The following MAMDC4 variants were observed in gnomAD, a reference collection of about 807,000 sequenced individuals.
The protein encoded by MAMDC4 is apical endosomal glycoprotein.
MAMDC4 carries 168 observed loss-of-function variants against 153.3 expected under a neutral mutation model. The ratio of observed to expected loss-of-function variants is 1.10; its 90% CI spans 0.97 to 1.25. The LOEUF (loss-of-function observed/expected upper bound fraction) is 1.25. MAMDC4 is among the 50% of genes most tolerant of loss of function. The probability of loss-of-function intolerance (pLI) is 0.00; values close to 1 mark genes in which losing one functional copy is unlikely to be tolerated. For missense variants in MAMDC4, 1,701 were observed against 1,542.8 expected (o/e 1.10, Z -1.72); for synonymous variants, 744 against 651.5 (o/e 1.14, Z -2.16).
chr9:136,852,492 G>C (rs1403540489), intron 1 of MAMDC4, 30 bp downstream of exon 1: 1 of 1,606,480 alleles, frequency 6.2e-7, no homozygotes, highest in South Asian at 1.1e-5. Context: ...TCCTGAGGCA[G>C]GACCAGGGGC....
In MAMDC4 at chr9:136,855,854, G is replaced by A; in HGVS notation, c.1588+6G>A. Reference sequence around the variant, plus strand: ...GTCCAGTGCAGCTGCTGCTGGTGAGGCCCAAGGCCCAAGGCTCAAGCCCCC... The same window carrying A: ...GTCCAGTGCAGCTGCTGCTGGTGAGACCCAAGGCCCAAGGCTCAAGCCCCC... On this transcript the variant is annotated splice_donor_region_variant and intron_variant, in intron 13 of 26. Transcript: ENST00000317446. 1.0e-5 allele frequency: 15 copies of A among 1,484,308 alleles called. No homozygotes were observed. Among genetic ancestry groups the A allele is most frequent in the Non-Finnish European group, 1.3e-5 (15 of 1,116,260 alleles). The allele number at this position is 1,484,308 out of a possible 1,614,324, so 91.9% of individuals were successfully genotyped here. A position where few individuals can be genotyped will look rare whatever the true frequency, so the allele number is the denominator to read the frequency against.
chr9:136,859,358 A>C, intron 25 of MAMDC4, 41 bp downstream of exon 25: 14 of 1,554,938 alleles, frequency 9.0e-6, no homozygotes, highest in Non-Finnish European at 1.2e-5. Context: ...GGAGGGCCCA[A>C]GGGGCCAGCC....
intron 6 of MAMDC4, 34 bp downstream of exon 6, chr9:136,854,110 G>C (rs1265330101): frequency 6.2e-7 from 1 of 1,611,504 alleles, no homozygotes; most frequent in Admixed American, 1.7e-5. Context: ...CCACCCCCGG[G>C]AGGGCCCCCA....
rs748246393 is a variant in MAMDC4, at chr9:136,853,994, G to A, written c.588G>A (p.Val196=). Residue 196 remains valine (V), a splice_region_variant and synonymous_variant, in exon 6 of 27, where the codon GTG becomes GTA. Coordinates refer to ENST00000317446, the MANE Select transcript of MAMDC4 (RefSeq NM_206920.3). Reference sequence around the variant, plus strand: ...TCCTAAGAGCCTGTTCTCTTCAGGTGACCTTCTCTGCCACCCGAAATGCCA... The same window carrying A: ...TCCTAAGAGCCTGTTCTCTTCAGGTAACCTTCTCTGCCACCCGAAATGCCA... ...TTGRIRGDFR[V]TFSATRNATH... is the part of the protein sequence containing the mutation. 5 of 1,612,932 alleles carry A rather than the reference G, an allele frequency of 3.1e-6. No homozygotes were observed. Among genetic ancestry groups the A allele is most frequent in the Non-Finnish European group, 3.4e-6 (4 of 1,179,938 alleles).
In MAMDC4 at chr9:136,856,587, C is replaced by T. The variant is rs775503467; in HGVS notation, c.1721-123C>T. Reference sequence around the variant, plus strand: ...CGAGAGAGACAGAGGTTCCTGCTGCCCATCCTCACTCCCACCTGGGTGCTC... The same window carrying T: ...CGAGAGAGACAGAGGTTCCTGCTGCTCATCCTCACTCCCACCTGGGTGCTC... On this transcript the variant is annotated intron_variant, in intron 14 of 26. Coordinates refer to ENST00000317446, the MANE Select transcript of MAMDC4 (RefSeq NM_206920.3). 7 of 918,670 alleles carry T rather than the reference C, an allele frequency of 7.6e-6. No individual in the cohort carries two copies. The African/African-American group carries it at 1.1e-4, about 15-fold the overall frequency. 56.9% of individuals were successfully genotyped at this position (918,670 alleles called of 1,614,324 possible). A position where few individuals can be genotyped will look rare whatever the true frequency, so the allele number is the denominator to read the frequency against.
Position 136,853,684 on chromosome 9 carries a change from C to T in MAMDC4, c.454+14C>T, listed in dbSNP as rs774219896. 1 of 1,609,298 alleles carries T rather than the reference C, an allele frequency of 6.2e-7. No homozygotes were observed. The highest frequency in any genetic ancestry group is 1.1e-5 in the South Asian group (1 of 90,692). Reference sequence around the variant, plus strand: ...CGGCCTCTGGAGGTGCACCCTGGACCCCCAAGGCTCGTGGGGGGTGCCCAA... The same window carrying T: ...CGGCCTCTGGAGGTGCACCCTGGACTCCCAAGGCTCGTGGGGGGTGCCCAA... On this transcript the variant is annotated intron_variant, in intron 4 of 26. Transcript: ENST00000317446.
chr9:136,860,426 C>T (rs1849071522), intron 26 of MAMDC4, 136 bp from the exon 27 acceptor site: 1 of 917,178 alleles, frequency 1.1e-6, no homozygotes, highest in Admixed American at 2.3e-5. Flanking sequence ...GAGGCTGAGG[C>T]AGGAGAATCG....
Position 136,857,429 on chromosome 9 carries a change from G to C in MAMDC4, c.2169G>C (p.Val723=). The C allele has an allele frequency of 6.2e-7, 1 of 1,608,304 alleles. No individual in the cohort carries two copies. The highest frequency in any genetic ancestry group is 8.5e-7 in the Non-Finnish European group (1 of 1,179,914). ...HGTMALDDVA[V]RPGPCWAPNY... ...CCATGGCGCTGGACGATGTGGCCGT[G>C]CGGCCGGGCCCCTGCTGGGCCCCTA... Residue 723 remains valine, a synonymous_variant, in exon 18 of 27, where the codon GTG becomes GTC. Coordinates refer to ENST00000317446, the MANE Select transcript of MAMDC4 (RefSeq NM_206920.3).
intron 3 of MAMDC4, 29 bp from the exon 4 acceptor site, chr9:136,853,514 GCC>G: frequency 1.2e-6 from 2 of 1,612,348 alleles, no homozygotes; most frequent in Non-Finnish European, 1.7e-6. Context: ...CTTGCTCCCT[GCC>G]CCGTCTCCTG....
In MAMDC4 at chr9:136,854,862, G is replaced by A; in HGVS notation, c.1023+12G>A. 9 of 1,612,704 alleles carry A rather than the reference G, an allele frequency of 5.6e-6. No homozygotes were observed. Among genetic ancestry groups the A allele is most frequent in the Non-Finnish European group, 7.6e-6 (9 of 1,179,862 alleles). ...CCTCCAACTGCTCGGTGAGATGGGT[G>A]GGGCTCACAGGGCCTCCCTGCTCTC... is the stretch of plus-strand genomic sequence containing the variant. On this transcript the variant is annotated intron_variant, in intron 9 of 26. Coordinates refer to ENST00000317446, the MANE Select transcript of MAMDC4 (RefSeq NM_206920.3).
Position 136,855,219 on chromosome 9 carries a change from T to C in MAMDC4, c.1198-35T>C, listed in dbSNP as rs754324518. The C allele has an allele frequency of 7.6e-6, 12 of 1,576,416 alleles. No individual in the cohort carries two copies. The East Asian group carries it at 2.5e-4, about 32-fold the overall frequency. On this transcript the variant is annotated intron_variant, in intron 10 of 26. Coordinates refer to ENST00000317446, the MANE Select transcript of MAMDC4 (RefSeq NM_206920.3). ...ACAGGGACCAGACCCCAGGGGGAAA[T>C]AGGCTGGGCACCCCCTGAGCCCCTC...
At position 136,857,317 on chromosome 9, in the gene MAMDC4, G is replaced by C; in HGVS notation, c.2106+19G>C. ...GTACCAGGTGAGGCCTGGCACCCGG[G>C]TGGGAGGACAGGGCAGGGCCCCTGG... On this transcript the variant is annotated intron_variant, in intron 17 of 26. Coordinates refer to ENST00000317446, the MANE Select transcript of MAMDC4 (RefSeq NM_206920.3). 6.2e-7 allele frequency: 1 copy of C among 1,606,972 alleles called. No individual in the cohort carries two copies. Among genetic ancestry groups the C allele is most frequent in the Non-Finnish European group, 8.5e-7 (1 of 1,177,916 alleles).
chr9:136,854,872 G>A, intron 9 of MAMDC4, 22 bp downstream of exon 9: 1 of 1,612,710 alleles, frequency 6.2e-7, no homozygotes, highest in Non-Finnish European at 8.5e-7. Flanking sequence ...GGGGCTCACA[G>A]GGCCTCCCTG....
chr9:136,854,894 G>T, intron 9 of MAMDC4, 43 bp from the exon 10 acceptor site: 1 of 1,612,592 alleles, frequency 6.2e-7, no homozygotes, highest in East Asian at 2.2e-5. Context: ...TCTCCGTGCT[G>T]GCTGCCCCGG....
chr9:136,853,487 CCT>C (rs771354636), intron 3 of MAMDC4, 29 bp downstream of exon 3: 75 of 1,610,816 alleles, frequency 4.7e-5, no homozygotes, highest in South Asian at 1.9e-4. Context: ...TCTGTGCGCC[CCT>C]GTCCCAATAC....
Position 136,857,592 on chromosome 9 carries a change from G to T in MAMDC4, c.2326+6G>T, listed in dbSNP as rs1189775624. 6.2e-7 allele frequency: 1 copy of T among 1,612,612 alleles called. No homozygotes were observed. The highest frequency in any genetic ancestry group is 1.7e-5 in the Admixed American group (1 of 60,026). ...TACCACTGAGACAGCCCAAGGTATG[G>T]GGGCCTGGCAGGGGCAGGGATTGAG... is the stretch of plus-strand genomic sequence containing the variant. On this transcript the variant is annotated splice_donor_region_variant and intron_variant, in intron 18 of 26. Coordinates refer to ENST00000317446, the MANE Select transcript of MAMDC4 (RefSeq NM_206920.3).
intron 14 of MAMDC4, 98 bp from the exon 15 acceptor site, chr9:136,856,612 C>A: frequency 1.7e-6 from 2 of 1,159,470 alleles, no homozygotes; most frequent in Non-Finnish European, 2.6e-6. Flanking sequence ...CCTGGGTGCT[C>A]CCCTTACACT....
Position 136,857,505 on chromosome 9 carries a change from G to C in MAMDC4, c.2245G>C (p.Gly749Arg). The change falls in exon 18 of 27, where the codon GGT (glycine) becomes CGT (arginine). Residue 749 changes from glycine to arginine, a missense_variant. Physicochemically the swap from Gly to Arg is moderately radical, Grantham distance 125. Coordinates refer to ENST00000317446, the MANE Select transcript of MAMDC4 (RefSeq NM_206920.3). ...CTGCGGCTTCTCCCCTGGAGGCCAA[G>C]GTCTCTGGAGGCGGCAGGCCAATGC... ...SDCGFSPGGQ[G>R]LWRRQANASG... 6.2e-7 allele frequency: 1 copy of C among 1,610,422 alleles called. No individual in the cohort carries two copies. The highest frequency in any genetic ancestry group is 8.5e-7 in the Non-Finnish European group (1 of 1,179,956).
At position 136,854,933 on chromosome 9, in the gene MAMDC4, A is replaced by G. The variant is rs750282182; in HGVS notation, c.1024-4A>G. 1.1e-5 allele frequency: 17 copies of G among 1,611,754 alleles called. No homozygotes were observed. Among genetic ancestry groups the G allele is most frequent in the African/African-American group, 1.3e-5 (1 of 74,852 alleles). ...AGGCCCCCAGCCAGCTCTTGGTTCC[A>G]CAGCTGGTCTTCTATCAGTACCTGA... is the stretch of plus-strand genomic sequence containing the variant. On this transcript the variant is annotated splice_region_variant and splice_polypyrimidine_tract_variant and intron_variant, in intron 9 of 26. Coordinates refer to ENST00000317446, the MANE Select transcript of MAMDC4 (RefSeq NM_206920.3).
Sources: allele counts gnomAD v4.1 joint callset, GRCh38; gene constraint gnomAD v4.1.1; transcripts MANE v1.5; gene names NCBI Gene and HGNC (gene_info 2026-07-23, HGNC 2026-07-21).